Variants in WRN observed in about 807,000 individuals in gnomAD.
WRN encodes WRN RecQ like helicase.
WRN carries 149 observed loss-of-function variants against 180.7 expected under a neutral mutation model. The observed-to-expected ratio is 0.82, with a 90% CI of 0.72 to 0.94. WRN has a LOEUF of 0.94. WRN is among the 40% of genes least tolerant of loss of function. The probability of loss-of-function intolerance (pLI) is 0.00; values close to 1 mark genes in which losing one functional copy is unlikely to be tolerated. For synonymous variants in WRN, 548 were observed against 568.9 expected, an observed-to-expected ratio of 0.96 and a Z score of 0.52; for missense variants, 1,661 against 1,700.1, an observed-to-expected ratio of 0.98 and a Z score of 0.40.
chr8:31,124,657 A>G, intron 22 of WRN, 34 bp downstream of exon 22: 1 of 1,536,152 alleles, frequency 6.5e-7, no homozygotes. Context: ...AATAGTATGG[A>G]TTTATGGATG....
intron 28 of WRN, among the ~76,000 whole-genome samples, chr8:31,144,852 G>C (rs1802798442): frequency 6.6e-6 from 1 of 152,210 alleles, no homozygotes. Context: ...AGAAAGCAAA[G>C]CAGGCTTTTT....
chr8:31,154,203 T>C (rs910384791), intron 31 of WRN, among the ~76,000 whole-genome samples: 1 of 152,018 alleles, frequency 6.6e-6, no homozygotes, highest in Non-Finnish European at 1.5e-5. Context: ...GAGAGTGTTA[T>C]GATATATTTC....
At chr8:31,098,528 C>G (rs1814084170) in intron 17 of WRN, among the ~76,000 whole-genome samples, 2 of 152,074 alleles carry the variant, frequency 1.3e-5, no homozygotes, top group Admixed American at 1.3e-4. Context: ...CTGGTTGACT[C>G]AGTGTTGAAT....
At chr8:31,146,971 C>A in intron 28 of WRN, 82 bp from the exon 29 acceptor site, 1 of 1,176,550 alleles carries the variant, frequency 8.5e-7, no homozygotes, top group Non-Finnish European at 1.2e-6. Flanking sequence ...TTTGGAAAGA[C>A]ATTCTCATTT....
intron 34 of WRN, among the ~76,000 whole-genome samples, chr8:31,168,032 T>G (rs1268633957): frequency 1.3e-5 from 2 of 152,120 alleles, no homozygotes; most frequent in Admixed American, 6.6e-5. Context: ...TTACACTTAG[T>G]TCTAAGGTAA....
rs1195763467 is a variant in WRN at position 31,174,744 on chromosome 8, TTCTTCC to T, written c.*1654_*1659del. On this transcript the variant is annotated 3_prime_UTR_variant, in exon 35 of 35. Transcript: ENST00000298139. ...CCTTCCTTCCTCCTCCTCCTCCTTC[TTCTTCC>T]TCTTCCTCTTCTTCTTTCTCTCTTT... Among the ~76,000 whole-genome samples the T allele has an allele frequency of 4.7e-5, 7 of 149,054 alleles. No individual in the cohort carries two copies. The highest frequency in any genetic ancestry group is 4.0e-4 in the East Asian group (2 of 5,054).
intron 21 of WRN, among the ~76,000 whole-genome samples, chr8:31,122,014 A>G (rs1417864076): frequency 1.3e-5 from 2 of 151,984 alleles, no homozygotes; most frequent in East Asian, 1.9e-4. Context: ...TACTGAGGAC[A>G]TTAATATCCA....
chr8:31,090,516 T>C lies in WRN; in HGVS notation c.1704T>C (p.Val568=), dbSNP rs140875989. Residue 568 remains valine (V), a synonymous_variant, in exon 14 of 35, where the codon GTT becomes GTC. Transcript: ENST00000298139. ...HSVLEERRDN[V]AVMATGYGKS... is the part of the protein sequence containing the mutation. Reference sequence around the variant, plus strand: ...TATTAGAAGAAAGAAGAGATAATGTTGCTGTCATGGCAACTGGTAAGTTGT... The same window carrying C: ...TATTAGAAGAAAGAAGAGATAATGTCGCTGTCATGGCAACTGGTAAGTTGT... 1.3e-5 allele frequency: 21 copies of C among 1,612,288 alleles called. No homozygotes were observed. In the African/African-American group the frequency reaches 2.4e-4, roughly 18 times the overall value.
At chr8:31,089,709 T>C (rs897050051) in intron 13 of WRN, among the ~76,000 whole-genome samples, 5 of 151,992 alleles carry the variant, frequency 3.3e-5, no homozygotes, top group African/African-American at 7.2e-5. Flanking sequence ...ACCTCTCCAA[T>C]TGATTTTTCC....
intron 23 of WRN, among the ~76,000 whole-genome samples, chr8:31,130,179 CAA>C (rs5890555): frequency 6.6e-6 from 1 of 151,654 alleles, no homozygotes; most frequent in Non-Finnish European, 1.5e-5. Flanking sequence ...ATAACAACAA[CAA>C]AAAAAACTGG....
At position 31,058,465 on chromosome 8, in the gene WRN, G is replaced by A. The variant is rs2130000598; in HGVS notation, c.18G>A (p.Leu6=). The change falls in exon 2 of 35, where the codon TTG becomes TTA. Residue 6 remains leucine, a synonymous_variant. Transcript: ENST00000298139. MSEKK[L]ETTAQQRKCP... ...TTTCAAAGATGAGTGAAAAAAAATT[G>A]GAAACAACTGCACAGCAGCGGAAAT... 1.2e-6 allele frequency: 2 copies of A among 1,613,482 alleles called. No individual in the cohort carries two copies. The highest frequency in any genetic ancestry group is 2.2e-5 in the South Asian group (2 of 90,968).
In WRN at chr8:31,160,265, T is replaced by C. The variant is rs188571733; in HGVS notation, c.3982+2735T>C. 4.6e-5 allele frequency among the ~76,000 whole-genome samples: 7 copies of C among 152,348 alleles called. No homozygotes were observed. In the East Asian group the frequency reaches 1.2e-3, roughly 25 times the overall value. Reference sequence around the variant, plus strand: ...ATGCTAATCTGAGTATTTATCTGTGTGATACTTACGAATTAACGATGTAAG... The same window carrying C: ...ATGCTAATCTGAGTATTTATCTGTGCGATACTTACGAATTAACGATGTAAG... On this transcript the variant is annotated intron_variant, in intron 33 of 34. Transcript: ENST00000298139.
At chr8:31,064,133 A>G (rs1032688650) in intron 3 of WRN, among the ~76,000 whole-genome samples, 156 bp from the exon 4 acceptor site, 2 of 152,098 alleles carry the variant, frequency 1.3e-5, no homozygotes, top group Non-Finnish European at 2.9e-5. Flanking sequence ...TTTTCAAGAA[A>G]TTTTACATAT....
Position 31,076,114 on chromosome 8 carries a change from C to T in WRN, c.725-59C>T, listed in dbSNP as rs1231539039. ...TCCCTAATATTATTTAATGAAGTGG[C>T]TAAATGAATATCTCTGCTTTGTGGT... is the stretch of plus-strand genomic sequence containing the variant. On this transcript the variant is annotated intron_variant, in intron 7 of 34. Transcript: ENST00000298139. 3.0e-6 allele frequency: 4 copies of T among 1,343,050 alleles called. No individual in the cohort carries two copies. In the African/African-American group the frequency reaches 5.8e-5, roughly 19 times the overall value. The allele number at this position is 1,343,050 out of a possible 1,614,324, so 83.2% of individuals were successfully genotyped here.
intron 7 of WRN, among the ~76,000 whole-genome samples, chr8:31,072,280 T>A (rs948454837): frequency 1.3e-5 from 2 of 152,224 alleles, no homozygotes; most frequent in East Asian, 3.8e-4. Context: ...TTAGAATTCA[T>A]CATTAGATTT....
At chr8:31,095,057 A>G (rs970015067) in intron 16 of WRN, among the ~76,000 whole-genome samples, 42 of 152,182 alleles carry the variant, frequency 2.8e-4, no homozygotes, top group Admixed American at 1.0e-3. Flanking sequence ...ATCATGGGAT[A>G]TTCCCACCAG....
At chr8:31,074,301 A>G (rs1164877455) in intron 7 of WRN, among the ~76,000 whole-genome samples, 2 of 152,102 alleles carry the variant, frequency 1.3e-5, no homozygotes, top group African/African-American at 4.8e-5. Context: ...TTGGGAGGAA[A>G]TGGGAGCAGA....
At chr8:31,154,517 A>G in intron 31 of WRN, 107 bp from the exon 32 acceptor site, 1 of 1,316,412 alleles carries the variant, frequency 7.6e-7, no homozygotes. Context: ...TTTGTTGCTT[A>G]TGGGTTTAAC....
chr8:31,054,618 T>C (rs1156469454), intron 1 of WRN, among the ~76,000 whole-genome samples: 2 of 152,186 alleles, frequency 1.3e-5, no homozygotes. Context: ...TAGTGGTAGG[T>C]AGATAAGATT....
Sources: gnomAD v4.1 joint callset for allele counts (sites outside exome capture counted in the v4.1 genomes callset) on GRCh38, gnomAD v4.1.1 for gene constraint, MANE v1.5 for transcripts, NCBI Gene and HGNC (gene_info 2026-07-23, HGNC 2026-07-21) for gene names.